Variants in KAZN observed in about 807,000 individuals in gnomAD.
KAZN encodes kazrin.
Under a neutral mutation model 87.4 loss-of-function variants are expected in KAZN, and 40 were observed. The observed-to-expected ratio is 0.46, with a 90% CI of 0.36 to 0.60. The LOEUF is 0.60. Among genes scored for constraint, KAZN ranks in the 20% least tolerant of loss-of-function variants. The pLI is 0.00. For missense variants in KAZN, 898 were observed against 1,073.9 expected, an observed-to-expected ratio of 0.84 and a Z score of 2.29; for synonymous variants, 466 against 458.3, an observed-to-expected ratio of 1.02 and a Z score of -0.22.
chr1:14,976,031 C>CAAAAAAAAAA (rs1162988294), intron 2 of KAZN, among the ~76,000 whole-genome samples: 1 of 85,554 alleles, frequency 1.2e-5, no homozygotes, highest in African/African-American at 4.1e-5. Context: ...GACTCCGTCT[C>CAAAAAAAAAA]AAAAAAAAAA....
intron 1 of KAZN, among the ~76,000 whole-genome samples, chr1:14,069,988 G>T (rs1023176387): frequency 2.0e-5 from 3 of 151,932 alleles, no homozygotes; most frequent in Non-Finnish European, 2.9e-5. Context: ...GACCAACAGG[G>T]TGAAACTCTG....
At chr1:13,923,573 A>AAC (rs1640151849) in intron 1 of KAZN, among the ~76,000 whole-genome samples, 1 of 85,768 alleles carries the variant, frequency 1.2e-5, no homozygotes, top group Admixed American at 1.2e-4. Flanking sequence ...ACTCCATCTC[A>AAC]AAAAAAAAAA....
At chr1:14,314,397 C>T (rs895413626) in intron 2 of KAZN, among the ~76,000 whole-genome samples, 1 of 152,174 alleles carries the variant, frequency 6.6e-6, no homozygotes, top group Non-Finnish European at 1.5e-5. Context: ...TATACTTGAT[C>T]TGGCCCTGTT....
chr1:13,991,443 A>G (rs1386601345), intron 1 of KAZN, among the ~76,000 whole-genome samples: 4 of 146,678 alleles, frequency 2.7e-5, no homozygotes. Context: ...GTATGATAAT[A>G]AAAAAAGGGG....
At chr1:14,026,621 C>T (rs2101296426) in intron 1 of KAZN, among the ~76,000 whole-genome samples, 1 of 152,118 alleles carries the variant, frequency 6.6e-6, no homozygotes, top group Non-Finnish European at 1.5e-5. Flanking sequence ...TGTAGAGCAG[C>T]AACTTTTCTT....
At chr1:14,418,695 A>G (rs1017151361) in intron 2 of KAZN, among the ~76,000 whole-genome samples, 1 of 152,154 alleles carries the variant, frequency 6.6e-6, no homozygotes, top group African/African-American at 2.4e-5. Context: ...GTATACTCCC[A>G]AAGCAACTTT....
chr1:14,383,748 GT>G (rs1661588454), intron 2 of KAZN, among the ~76,000 whole-genome samples: 1 of 152,104 alleles, frequency 6.6e-6, no homozygotes, highest in Non-Finnish European at 1.5e-5. Flanking sequence ...GTCAGGTACT[GT>G]GATGCCTCCG....
intron 1 of KAZN, among the ~76,000 whole-genome samples, chr1:14,679,068 C>T (rs535031539): frequency 2.6e-5 from 4 of 152,324 alleles, no homozygotes; most frequent in African/African-American, 9.6e-5. Flanking sequence ...ACACTCGTCA[C>T]GCTTGTATAA....
intron 1 of KAZN, among the ~76,000 whole-genome samples, chr1:14,671,288 A>G (rs1396742014): frequency 6.6e-6 from 1 of 152,246 alleles, no homozygotes; most frequent in Non-Finnish European, 1.5e-5. Context: ...GAAGGGTTAG[A>G]ACATCTGGTT....
At chr1:14,639,142 C>T (rs1461517533) in intron 1 of KAZN, among the ~76,000 whole-genome samples, 1 of 152,184 alleles carries the variant, frequency 6.6e-6, no homozygotes, top group African/African-American at 2.4e-5. Flanking sequence ...TGGACAGACA[C>T]CACCCCAAAT....
chr1:14,808,738 T>C (rs561635925), intron 1 of KAZN, among the ~76,000 whole-genome samples: 1 of 152,330 alleles, frequency 6.6e-6, no homozygotes, highest in East Asian at 1.9e-4. Flanking sequence ...GGGCCACAGA[T>C]AACAGAATAC....
chr1:14,436,734 A>AAACAGAAAC (rs1553172283), intron 2 of KAZN, among the ~76,000 whole-genome samples: 1 of 137,368 alleles, frequency 7.3e-6, no homozygotes, highest in Non-Finnish European at 1.5e-5. Flanking sequence ...AAAAAAAAAA[A>AAACAGAAAC]AAAACCTTAA....
chr1:14,976,587 T>C (rs772943337), intron 2 of KAZN, among the ~76,000 whole-genome samples: 1 of 152,186 alleles, frequency 6.6e-6, no homozygotes, highest in Non-Finnish European at 1.5e-5. Flanking sequence ...GTGAGCCGGA[T>C]GAGCCCACGC....
chr1:14,389,101 T>C (rs1662200855), intron 2 of KAZN, among the ~76,000 whole-genome samples: 1 of 152,174 alleles, frequency 6.6e-6, no homozygotes, highest in African/African-American at 2.4e-5. Flanking sequence ...TATGAAAAGG[T>C]GCTCAACATT....
At chr1:14,639,035 G>A (rs1422092645) in intron 1 of KAZN, among the ~76,000 whole-genome samples, 1 of 152,038 alleles carries the variant, frequency 6.6e-6, no homozygotes, top group Non-Finnish European at 1.5e-5. Flanking sequence ...ATACACAATG[G>A]GCTGCAGCCA....
chr1:14,406,187 C>T (rs960126897), intron 2 of KAZN, among the ~76,000 whole-genome samples: 13 of 152,112 alleles, frequency 8.5e-5, no homozygotes, highest in East Asian at 5.8e-4. Flanking sequence ...ATTGCGTGCC[C>T]GTCTCAAAAC....
intron 1 of KAZN, among the ~76,000 whole-genome samples, chr1:14,886,247 C>A (rs1185398420): frequency 6.6e-6 from 1 of 151,702 alleles, no homozygotes; most frequent in Non-Finnish European, 1.5e-5. Context: ...CACAGCCATA[C>A]CACATCACTA....
intron 1 of KAZN, among the ~76,000 whole-genome samples, chr1:14,146,552 A>AAAAAAG (rs1645355562): frequency 6.7e-6 from 1 of 150,354 alleles, no homozygotes. Flanking sequence ...AAAAAAAAAA[A>AAAAAAG]AAAAAGAAAA....
rs78708151 is a variant in KAZN, at chr1:14,429,789, G to A, written c.250-169194G>A. Reference sequence around the variant, plus strand: ...TCATCATCATCGTCATCATCCCGACGTCATCGTTCCTATTGAGAAATGAGA... The same window carrying A: ...TCATCATCATCGTCATCATCCCGACATCATCGTTCCTATTGAGAAATGAGA... On this transcript the variant is annotated intron_variant, in intron 2 of 16. Transcript: ENST00000636203. Among the ~76,000 whole-genome samples, 749 of 152,226 alleles carry A rather than the reference G, an allele frequency of 4.9e-3. 1 individual carries two copies. Among genetic ancestry groups the A allele is most frequent in the Non-Finnish European group, 6.9e-3 (470 of 68,014 alleles).
Sources: allele counts gnomAD v4.1 joint callset (sites outside exome capture counted in the v4.1 genomes callset), GRCh38; gene constraint gnomAD v4.1.1; transcripts MANE v1.5; gene names NCBI Gene and HGNC (gene_info 2026-07-23, HGNC 2026-07-21).